DOK6: variants seen among roughly 807,000 people sequenced by gnomAD.
DOK6 encodes the protein downstream of tyrosine kinase 6.
DOK6 carries 22 observed loss-of-function variants against 44.0 expected under a neutral mutation model. That is an observed-to-expected ratio of 0.50 (90% CI 0.36 to 0.71). The LOEUF is 0.71. Ranked by LOEUF, DOK6 falls within the 30% of genes least tolerant of loss-of-function variation. The pLI is 0.00. For synonymous variants in DOK6, 166 were observed against 145.5 expected, an observed-to-expected ratio of 1.14 and a Z score of -1.01; for missense variants, 340 against 416.4, an observed-to-expected ratio of 0.82 and a Z score of 1.60.
intron 5 of DOK6, among the ~76,000 whole-genome samples, chr18:69,716,062 C>T (rs752410160): frequency 1.3e-5 from 2 of 152,198 alleles, no homozygotes; most frequent in Non-Finnish European, 2.9e-5. Context: ...TTAGCAACAT[C>T]ATTTTAGCAG....
At chr18:69,520,079 T>C (rs1253037199) in intron 1 of DOK6, among the ~76,000 whole-genome samples, 1 of 151,746 alleles carries the variant, frequency 6.6e-6, no homozygotes, top group Non-Finnish European at 1.5e-5. Context: ...GCAGAGGAAA[T>C]AACTTTCAGG....
intron 1 of DOK6, among the ~76,000 whole-genome samples, chr18:69,413,526 T>C (rs965771099): frequency 6.6e-6 from 1 of 152,116 alleles, no homozygotes; most frequent in African/African-American, 2.4e-5. Context: ...GGAATGCCTT[T>C]TCAGCAAATG....
chr18:69,499,632 T>G (rs1980993217), intron 1 of DOK6, among the ~76,000 whole-genome samples: 1 of 152,268 alleles, frequency 6.6e-6, no homozygotes, highest in East Asian at 1.9e-4. Flanking sequence ...TGGCTGACAA[T>G]TCTGACGTTT....
chr18:69,619,921 G>C (rs1984400944), intron 3 of DOK6, among the ~76,000 whole-genome samples: 1 of 151,972 alleles, frequency 6.6e-6, no homozygotes, highest in African/African-American at 2.4e-5. Context: ...TTGTGTCTTG[G>C]TAAGAAAATA....
At chr18:69,693,651 T>C (rs1337382999) in intron 4 of DOK6, among the ~76,000 whole-genome samples, 3 of 152,148 alleles carry the variant, frequency 2.0e-5, no homozygotes, top group African/African-American at 7.2e-5. Context: ...TGTTACTTCT[T>C]GTCAGAAATC....
At chr18:69,529,712 A>G (rs1055035405) in intron 1 of DOK6, among the ~76,000 whole-genome samples, 2 of 152,180 alleles carry the variant, frequency 1.3e-5, no homozygotes, top group Non-Finnish European at 2.9e-5. Context: ...AAAATCCAAC[A>G]CAGCCATCCT....
At chr18:69,656,386 T>C (rs1402001899) in intron 3 of DOK6, among the ~76,000 whole-genome samples, 2 of 152,150 alleles carry the variant, frequency 1.3e-5, no homozygotes, top group East Asian at 3.8e-4. Flanking sequence ...CAAATCACAA[T>C]GATGAGACGA....
intron 1 of DOK6, among the ~76,000 whole-genome samples, chr18:69,512,901 T>C (rs1981413068): frequency 2.0e-5 from 3 of 152,240 alleles, no homozygotes; most frequent in Admixed American, 2.0e-4. Flanking sequence ...ATTGCAGCTA[T>C]TCAAATTTCC....
At chr18:69,573,587 G>T in intron 2 of DOK6, among the ~76,000 whole-genome samples, 1 of 151,740 alleles carries the variant, frequency 6.6e-6, no homozygotes, top group Non-Finnish European at 1.5e-5. Context: ...AACCAATCCT[G>T]ATATGGAAAA....
intron 1 of DOK6, among the ~76,000 whole-genome samples, chr18:69,517,113 A>G (rs1319891120): frequency 6.6e-6 from 1 of 152,210 alleles, no homozygotes; most frequent in Non-Finnish European, 1.5e-5. Flanking sequence ...CCGTTTGTGG[A>G]TATGAACTCA....
chr18:69,434,196 T>C (rs12454906), intron 1 of DOK6, among the ~76,000 whole-genome samples: 148,088 of 152,272 alleles, frequency 0.97, 72,144 homozygotes, highest in East Asian at 1. Context: ...ATGTTTGAGA[T>C]GTGGTTTTCA....
At chr18:69,701,999 A>T (rs904264120) in intron 5 of DOK6, among the ~76,000 whole-genome samples, 1 of 152,156 alleles carries the variant, frequency 6.6e-6, no homozygotes, top group African/African-American at 2.4e-5. Context: ...ACAAAAGCAT[A>T]AAAATATAAT....
intron 1 of DOK6, among the ~76,000 whole-genome samples, chr18:69,430,566 C>T (rs1170657466): frequency 6.6e-6 from 1 of 152,174 alleles, no homozygotes; most frequent in Non-Finnish European, 1.5e-5. Context: ...TTGAATGAAT[C>T]TACCTAGATG....
intron 7 of DOK6, among the ~76,000 whole-genome samples, chr18:69,783,538 A>T (rs1568125359): frequency 6.6e-6 from 1 of 152,168 alleles, no homozygotes; most frequent in Non-Finnish European, 1.5e-5. Flanking sequence ...TTCTGGTATG[A>T]TCCAGGTGCT....
intron 1 of DOK6, among the ~76,000 whole-genome samples, chr18:69,493,194 G>T (rs551690407): frequency 3.9e-5 from 6 of 152,182 alleles, no homozygotes; most frequent in East Asian, 1.9e-4. Flanking sequence ...CACTTTAAAA[G>T]ATTATAAAAT....
intron 3 of DOK6, among the ~76,000 whole-genome samples, chr18:69,654,213 G>T (rs1189853744): frequency 6.6e-6 from 1 of 152,194 alleles, no homozygotes; most frequent in African/African-American, 2.4e-5. Context: ...AGATGCAGTG[G>T]AAAAGTCTAA....
In DOK6 at chr18:69,623,282, T is replaced by C. The variant is rs540079013; in HGVS notation, c.289+23784T>C. On this transcript the variant is annotated intron_variant, in intron 3 of 7. Coordinates refer to ENST00000382713, the MANE Select transcript of DOK6 (RefSeq NM_152721.6). ...ATGAGCTGATTAAACCTCTTTTCTT[T>C]ACAGATTACCCAGTCTCAGGTAGTT... is the stretch of plus-strand genomic sequence containing the variant. Among the ~76,000 whole-genome samples, 7 of 152,290 alleles carry C rather than the reference T, an allele frequency of 4.6e-5. No individual in the cohort carries two copies. The South Asian group carries it at 1.4e-3, about 32-fold the overall frequency.
intron 1 of DOK6, among the ~76,000 whole-genome samples, chr18:69,503,291 G>A (rs192571391): frequency 1.4e-3 from 220 of 152,158 alleles, no homozygotes; most frequent in African/African-American, 5.2e-3. Flanking sequence ...TAACCAAAAT[G>A]TTTTCCAGTT....
At chr18:69,605,889 T>G (rs957401098) in intron 3 of DOK6, among the ~76,000 whole-genome samples, 2 of 152,158 alleles carry the variant, frequency 1.3e-5, no homozygotes, top group African/African-American at 2.4e-5. Flanking sequence ...GTTGCCACAG[T>G]AAGGCAAGAA....
Sources: gnomAD v4.1 joint callset for allele counts (sites outside exome capture counted in the v4.1 genomes callset) on GRCh38, gnomAD v4.1.1 for gene constraint, MANE v1.5 for transcripts, NCBI Gene and HGNC (gene_info 2026-07-23, HGNC 2026-07-21) for gene names.